The following UNC13C variants were observed in gnomAD, a reference collection of about 807,000 sequenced individuals.
UNC13C encodes the protein unc-13 homolog C.
UNC13C carries 174 observed loss-of-function variants against 245.4 expected under a neutral mutation model. That is an observed-to-expected ratio of 0.71 (90% CI 0.63 to 0.80). The LOEUF is 0.80. UNC13C is among the 30% of genes least tolerant of loss of function. UNC13C has a pLI of 0.00. For synonymous variants in UNC13C, 992 were observed against 895.1 expected, an observed-to-expected ratio of 1.11 and a Z score of -1.93; for missense variants, 2,829 against 2,602.9, an observed-to-expected ratio of 1.09 and a Z score of -1.89.
chr15:54,322,269 G>A (rs2038183571), intron 14 of UNC13C, among the ~76,000 whole-genome samples, 174 bp downstream of exon 14: 1 of 151,910 alleles, frequency 6.6e-6, no homozygotes, highest in Non-Finnish European at 1.5e-5. Flanking sequence ...AATTAACTTT[G>A]ACAATCAATA....
chr15:54,467,108 C>T (rs1395420621), intron 19 of UNC13C, among the ~76,000 whole-genome samples: 1 of 151,754 alleles, frequency 6.6e-6, no homozygotes, highest in Non-Finnish European at 1.5e-5. Flanking sequence ...GGGCACAAAA[C>T]CATATTATCT....
chr15:53,956,625 T>C, the UNC13C span, among the ~76,000 whole-genome samples: 1 of 150,758 alleles, frequency 6.6e-6, no homozygotes, highest in Non-Finnish European at 1.5e-5. Context: ...GCTTGATGAT[T>C]GGAATAAAGT....
chr15:54,198,238 C>A (rs1337862441), intron 4 of UNC13C, among the ~76,000 whole-genome samples: 1 of 152,100 alleles, frequency 6.6e-6, no homozygotes, highest in Non-Finnish European at 1.5e-5. Context: ...CTTTCTCTAC[C>A]TGCCCTGGTA....
intron 30 of UNC13C, among the ~76,000 whole-genome samples, chr15:54,596,366 C>CTTTGTTG (rs1013202936): frequency 2.6e-4 from 39 of 151,482 alleles, no homozygotes; most frequent in African/African-American, 9.2e-4. Context: ...TGGAGGCCAG[C>CTTTGTTG]TTTGTTGTTT....
chr15:54,045,872 A>G (rs778090918), intron 2 of UNC13C, among the ~76,000 whole-genome samples: 2 of 152,204 alleles, frequency 1.3e-5, no homozygotes, highest in African/African-American at 2.4e-5. Context: ...TTCTAATTCT[A>G]TCAGTCTTTT....
At chr15:54,571,748 G>T (rs1457116181) in intron 30 of UNC13C, among the ~76,000 whole-genome samples, 2 of 152,308 alleles carry the variant, frequency 1.3e-5, no homozygotes, top group Admixed American at 1.3e-4. Flanking sequence ...TCCTATGCAG[G>T]ACCAGCTGGA....
the UNC13C span, among the ~76,000 whole-genome samples, chr15:53,926,473 C>A: frequency 6.6e-6 from 1 of 152,066 alleles, no homozygotes; most frequent in Admixed American, 6.6e-5. Flanking sequence ...ACTGCTAATA[C>A]TATTGAGAGG....
chr15:54,127,875 C>G (rs943051759), intron 2 of UNC13C, among the ~76,000 whole-genome samples: 1 of 150,886 alleles, frequency 6.6e-6, no homozygotes, highest in African/African-American at 2.4e-5. Context: ...CAAGAATACT[C>G]ACTCTCATCA....
At chr15:54,357,419 A>G (rs1035240152) in intron 17 of UNC13C, among the ~76,000 whole-genome samples, 1 of 152,038 alleles carries the variant, frequency 6.6e-6, no homozygotes, top group African/African-American at 2.4e-5. Flanking sequence ...CTTTCTGTAC[A>G]TTGTTTTCAT....
intron 28 of UNC13C, among the ~76,000 whole-genome samples, chr15:54,553,317 T>TTG (rs1317078906): frequency 8.3e-6 from 1 of 120,594 alleles, no homozygotes; most frequent in Non-Finnish European, 1.6e-5. Flanking sequence ...CAATATAGAA[T>TTG]ATTATATATA....
chr15:54,599,954 G>T (rs1271869256), intron 30 of UNC13C, among the ~76,000 whole-genome samples: 1 of 152,130 alleles, frequency 6.6e-6, no homozygotes, highest in African/African-American at 2.4e-5. Context: ...GCATTGGAAA[G>T]ATTAACTTCT....
intron 13 of UNC13C, among the ~76,000 whole-genome samples, chr15:54,317,291 A>G (rs2038033038): frequency 6.6e-6 from 1 of 151,962 alleles, no homozygotes; most frequent in Non-Finnish European, 1.5e-5. Flanking sequence ...ATTGTATTAA[A>G]CTATATAACT....
intron 31 of UNC13C, among the ~76,000 whole-genome samples, chr15:54,623,231 T>G (rs1900910730): frequency 1.3e-5 from 2 of 152,058 alleles, no homozygotes; most frequent in Admixed American, 1.3e-4. Context: ...AAAACAGCTA[T>G]AATATCTAAC....
chr15:53,839,387 A>G, the UNC13C span, among the ~76,000 whole-genome samples: 5 of 152,140 alleles, frequency 3.3e-5, no homozygotes, highest in Non-Finnish European at 7.4e-5. Context: ...TTAGCAATTG[A>G]TAACATTATT....
chr15:54,631,545 A>G (rs774805237), downstream of UNC13C: 1 of 152,196 alleles, frequency 6.6e-6, no homozygotes, highest in Non-Finnish European at 1.5e-5. Context: ...GCACTGGTTC[A>G]TTTTAGTCCC....
chr15:54,113,780 C>G (rs747705055), intron 2 of UNC13C, among the ~76,000 whole-genome samples: 4 of 151,964 alleles, frequency 2.6e-5, no homozygotes, highest in Non-Finnish European at 5.9e-5. Flanking sequence ...GAGCCGAGAT[C>G]GCACCACTGC....
intron 29 of UNC13C, among the ~76,000 whole-genome samples, chr15:54,562,185 A>G (rs1475280647): frequency 6.6e-6 from 1 of 152,024 alleles, no homozygotes; most frequent in Non-Finnish European, 1.5e-5. Flanking sequence ...CCAATTAAAT[A>G]TATTTCTTAC....
At chr15:53,941,882 T>C in the UNC13C span, among the ~76,000 whole-genome samples, 1 of 151,980 alleles carries the variant, frequency 6.6e-6, no homozygotes, top group Non-Finnish European at 1.5e-5. Flanking sequence ...TACAGAATGG[T>C]GGTTATTAAA....
intron 4 of UNC13C, among the ~76,000 whole-genome samples, chr15:54,205,724 T>C (rs2034687589): frequency 6.6e-6 from 1 of 152,058 alleles, no homozygotes; most frequent in Admixed American, 6.6e-5. Flanking sequence ...TTCTCTACTT[T>C]TTGCAGAATT....
Sources: allele counts gnomAD v4.1 joint callset (sites outside exome capture counted in the v4.1 genomes callset), GRCh38; gene constraint gnomAD v4.1.1; transcripts MANE v1.5; gene names NCBI Gene and HGNC (gene_info 2026-07-23, HGNC 2026-07-21).